PRKG2: variants seen among roughly 807,000 people sequenced by gnomAD.
PRKG2 encodes the protein cGMP-dependent protein kinase 2.
PRKG2 carries 33 observed loss-of-function variants against 97.2 expected under a neutral mutation model. That is an observed-to-expected ratio of 0.34 (90% CI 0.26 to 0.45). The LOEUF (loss-of-function observed/expected upper bound fraction) is 0.45, where lower values mean the gene tolerates loss of function less well. PRKG2 is among the 20% of genes least tolerant of loss of function. The pLI is 1.00. For synonymous variants in PRKG2, 330 were observed against 321.8 expected (o/e 1.03, Z -0.27); for missense variants, 638 against 900.0 (o/e 0.71, Z 3.73).
intron 9 of PRKG2, among the ~76,000 whole-genome samples, chr4:81,145,030 C>T (rs1401082459): frequency 2.0e-5 from 3 of 151,982 alleles, no homozygotes; most frequent in East Asian, 3.9e-4. Context: ...GGGTTGGTTC[C>T]AAGTCTTTGC....
chr4:81,167,628 T>C (rs2110079207), intron 5 of PRKG2, among the ~76,000 whole-genome samples: 1 of 152,168 alleles, frequency 6.6e-6, no homozygotes, highest in South Asian at 2.1e-4. Flanking sequence ...AGAATCAGAT[T>C]TTTGTCTAAA....
At position 81,149,844 on chromosome 4, in the gene PRKG2, G is replaced by A. The variant is rs529343658; in HGVS notation, c.1086-892C>T. Among the ~76,000 whole-genome samples the A allele has an allele frequency of 6.6e-5, 10 of 152,174 alleles. No homozygotes were observed. In the East Asian group the frequency reaches 1.7e-3, roughly 26 times the overall value. ...AGGCAACTTCATCAAAAATGTTATC[G>A]CACAAAGTGTATTTCCTTTGCCTTC... On this transcript the variant is annotated intron_variant, in intron 8 of 18. Coordinates refer to ENST00000264399, the MANE Select transcript of PRKG2 (RefSeq NM_006259.3).
At chr4:81,216,796 T>G (rs1346097620), upstream of PRKG2, among the ~76,000 whole-genome samples, 1 of 151,946 alleles carries the variant, frequency 6.6e-6, no homozygotes, top group African/African-American at 2.4e-5. Context: ...TGACTTTGTT[T>G]CTGAGTAATT....
chr4:81,155,086 G>C (rs1168731898), intron 6 of PRKG2, among the ~76,000 whole-genome samples: 3 of 147,316 alleles, frequency 2.0e-5, no homozygotes, highest in Non-Finnish European at 4.5e-5. Context: ...GCTGAGGCAG[G>C]AGAATGGCGT....
chr4:81,215,090 C>G lies in PRKG2; in HGVS notation c.-168G>C, dbSNP rs1754212255. The G allele has an allele frequency of 6.6e-6, 1 of 152,334 alleles. No individual in the cohort carries two copies. Among genetic ancestry groups the G allele is most frequent in the Non-Finnish European group, 1.5e-5 (1 of 68,152 alleles). The allele number at this position is 152,334 out of a possible 1,614,324, so 9.4% of individuals were successfully genotyped here. A position where few individuals can be genotyped will look rare whatever the true frequency, so the allele number is the denominator to read the frequency against. ...AGCCAGCCCCGCCGTGCACACGGTG[C>G]GCAGCGTGGGCCCGGGGCTGCCGGC... On this transcript the variant is annotated 5_prime_UTR_variant, in exon 1 of 19. Transcript: ENST00000264399.
At chr4:81,155,002 G>A (rs11733213) in intron 6 of PRKG2, among the ~76,000 whole-genome samples, 21,171 of 151,086 alleles carry the variant, frequency 0.14, 2,348 homozygotes, top group East Asian at 0.46. Flanking sequence ...GTGAAACCCC[G>A]TCTCTACTAA....
upstream of PRKG2, among the ~76,000 whole-genome samples, chr4:81,217,448 G>C (rs1045694917): frequency 5.9e-5 from 9 of 152,142 alleles, no homozygotes; most frequent in Non-Finnish European, 1.2e-4. Flanking sequence ...CCTATGCTCT[G>C]TCAAATCTAC....
chr4:81,207,843 C>T (rs710836), intron 1 of PRKG2, among the ~76,000 whole-genome samples: 6,328 of 152,230 alleles, frequency 0.042, 487 homozygotes, highest in African/African-American at 0.15. Context: ...TTAAATATTG[C>T]TGTCCCTGAA....
chr4:81,205,521 T>A (rs906691766), intron 1 of PRKG2, among the ~76,000 whole-genome samples: 3 of 152,224 alleles, frequency 2.0e-5, no homozygotes, highest in African/African-American at 7.2e-5. Context: ...TTCCCCAGAT[T>A]TAGAAAATTA....
intron 11 of PRKG2, among the ~76,000 whole-genome samples, chr4:81,142,323 A>C (rs1747374623): frequency 6.6e-6 from 1 of 152,230 alleles, no homozygotes; most frequent in Non-Finnish European, 1.5e-5. Context: ...CAAAAACAAA[A>C]TAATGAAGGT....
chr4:81,155,035 G>A (rs1345908001), intron 6 of PRKG2, among the ~76,000 whole-genome samples: 9 of 151,504 alleles, frequency 5.9e-5, no homozygotes, highest in Admixed American at 2.0e-4. Context: ...AAAATTAGCC[G>A]GGCGTAGTGG....
chr4:81,092,828 T>G (rs868294976), intron 17 of PRKG2, among the ~76,000 whole-genome samples: 6 of 152,192 alleles, frequency 3.9e-5, no homozygotes, highest in Admixed American at 2.6e-4. Context: ...TTATATCCTA[T>G]CTGAGTCCAT....
intron 2 of PRKG2, among the ~76,000 whole-genome samples, chr4:81,202,590 G>C (rs1303203002): frequency 6.6e-6 from 1 of 152,096 alleles, no homozygotes; most frequent in Non-Finnish European, 1.5e-5. Flanking sequence ...ACACAGACTT[G>C]TATCCACTTG....
intron 13 of PRKG2, among the ~76,000 whole-genome samples, chr4:81,137,087 G>T (rs1746781053): frequency 1.3e-5 from 2 of 151,372 alleles, no homozygotes; most frequent in Non-Finnish European, 2.9e-5. Flanking sequence ...TCTGCTAGGA[G>T]ATTTGGAATC....
chr4:81,176,320 T>G (rs12643702), intron 2 of PRKG2, among the ~76,000 whole-genome samples: 36,333 of 152,062 alleles, frequency 0.24, 8,452 homozygotes, highest in African/African-American at 0.59. Context: ...AACTTTAAAA[T>G]TTTATTTTCT....
chr4:81,095,029 T>C (rs988059412), intron 17 of PRKG2, among the ~76,000 whole-genome samples: 1 of 152,172 alleles, frequency 6.6e-6, no homozygotes, highest in African/African-American at 2.4e-5. Flanking sequence ...CAGAAGGCTG[T>C]CACATTGCTC....
intron 7 of PRKG2, among the ~76,000 whole-genome samples, chr4:81,152,387 G>A (rs1319576498): frequency 6.6e-6 from 1 of 152,118 alleles, no homozygotes; most frequent in Non-Finnish European, 1.5e-5. Context: ...GGTCTTGTGG[G>A]AACTTTTTCT....
chr4:81,107,830 T>G (rs1456717704), intron 15 of PRKG2, among the ~76,000 whole-genome samples: 1 of 152,180 alleles, frequency 6.6e-6, no homozygotes, highest in Non-Finnish European at 1.5e-5. Flanking sequence ...TTTTAAAAAG[T>G]ACTGCTAAGA....
At chr4:81,153,913 C>A (rs1198445177) in intron 6 of PRKG2, among the ~76,000 whole-genome samples, 192 bp from the exon 7 acceptor site, 1 of 152,096 alleles carries the variant, frequency 6.6e-6, no homozygotes, top group Non-Finnish European at 1.5e-5. Flanking sequence ...GGTGCGCGCA[C>A]CGTGCGCGAG....
Sources: gnomAD v4.1 joint callset for allele counts (sites outside exome capture counted in the v4.1 genomes callset) on GRCh38, gnomAD v4.1.1 for gene constraint, MANE v1.5 for transcripts, NCBI Gene and HGNC (gene_info 2026-07-23, HGNC 2026-07-21) for gene names.